PPFIA4: variants seen among roughly 807,000 people sequenced by gnomAD.
PPFIA4 encodes the protein liprin-alpha-4.
A neutral mutation model predicts 145.7 loss-of-function variants in PPFIA4; 98 were observed. The ratio of observed to expected loss-of-function variants is 0.67; its 90% CI spans 0.57 to 0.80. The LOEUF (loss-of-function observed/expected upper bound fraction) is 0.80, where lower values mean the gene tolerates loss of function less well. PPFIA4 is among the 30% of genes least tolerant of loss of function. The pLI, the probability that PPFIA4 is intolerant of heterozygous loss-of-function variation, is 0.00. For missense variants in PPFIA4, 1,457 were observed against 1,632.7 expected, an observed-to-expected ratio of 0.89 and a Z score of 1.85; for synonymous variants, 628 against 649.6, an observed-to-expected ratio of 0.97 and a Z score of 0.51.
At position 203,075,598 on chromosome 1, in the gene PPFIA4, C is replaced by T; in HGVS notation, c.3415C>T (p.Arg1139Cys). 3.4e-6 allele frequency: 5 copies of T among 1,463,310 alleles called. No individual in the cohort carries two copies. Among genetic ancestry groups the T allele is most frequent in the Non-Finnish European group, 4.5e-6 (5 of 1,104,568 alleles). The allele number at this position is 1,463,310 out of a possible 1,614,324, so 90.6% of individuals were successfully genotyped here. ...LDDGDDKVFR[R>C]APSWRKRFRP... ...GCAGGGGGATGACAAGGTGTTTCGC[C>T]GCGCGCCCTCCTGGAGGAAGCGCTT... The change falls in exon 29 of 30, where the codon CGC (arginine) becomes TGC (cysteine). Residue 1139 changes from arginine to cysteine, a missense_variant. Around this residue, in one of 3 missense-constraint regions of PPFIA4, gnomAD observed 146 missense variants for 126.2 expected, o/e 1.16. Coordinates refer to ENST00000295706, the MANE Select transcript of PPFIA4 (RefSeq NM_001304331.2). The surrounding 1 kb of genome is among the most constrained non-coding windows in gnomAD (Gnocchi z 4.1).
chr1:203,070,102 C>T (rs1662039690), intron 27 of PPFIA4, among the ~76,000 whole-genome samples: 1 of 147,498 alleles, frequency 6.8e-6, no homozygotes, highest in South Asian at 2.2e-4. Context: ...TAGAAATGGA[C>T]TTTTCTCTTT....
chr1:203,042,056 T>C (rs1659730315), intron 2 of PPFIA4, among the ~76,000 whole-genome samples: 1 of 151,980 alleles, frequency 6.6e-6, no homozygotes, highest in Middle Eastern at 3.4e-3. Flanking sequence ...CTATCTGGAG[T>C]GATGAGAGGG....
intron 19 of PPFIA4, among the ~76,000 whole-genome samples, chr1:203,058,002 C>T (rs1661092476): frequency 6.6e-6 from 1 of 152,068 alleles, no homozygotes; most frequent in Non-Finnish European, 1.5e-5. Flanking sequence ...TGGGACTGGA[C>T]AGCTAGGCTG....
intron 25 of PPFIA4, among the ~76,000 whole-genome samples, chr1:203,066,220 C>G (rs1210629831): frequency 6.6e-6 from 1 of 152,188 alleles, no homozygotes; most frequent in Non-Finnish European, 1.5e-5. Flanking sequence ...TGCGCATGCC[C>G]CTTCACAGTG....
intron 6 of PPFIA4, 37 bp from the exon 7 acceptor site, chr1:203,045,331 G>T (rs1659993232): frequency 1.3e-6 from 2 of 1,507,374 alleles, no homozygotes; most frequent in African/African-American, 1.4e-5. Flanking sequence ...GTGGGATGCT[G>T]CTGTGACTCA....
At chr1:203,071,096 T>C (rs1426271312) in intron 27 of PPFIA4, among the ~76,000 whole-genome samples, 3 of 151,858 alleles carry the variant, frequency 2.0e-5, no homozygotes, top group Non-Finnish European at 4.4e-5. Flanking sequence ...ACTGTAGGTG[T>C]TCACAACCAT....
In PPFIA4 at chr1:203,032,430, T is replaced by TTTTTTTTTTTTTTTTG. The variant is rs57892403; in HGVS notation, c.-400+5803_-400+5804insTTTTTTTTTTTTTGTT. ...CTTGTAGTTCTCCCTTCCCCGCTTT[T>TTTTTTTTTTTTTTTTG]TTGTTGTTGTTGTTGTTTTTGAAAT... is the stretch of plus-strand genomic sequence containing the variant. On this transcript the variant is annotated intron_variant, in intron 1 of 29. Coordinates refer to ENST00000295706, the MANE Select transcript of PPFIA4 (RefSeq NM_001304331.2). Among the ~76,000 whole-genome samples, 34 of 139,414 alleles carry TTTTTTTTTTTTTTTTG rather than the reference T, an allele frequency of 2.4e-4. 1 individual carries two copies. Among genetic ancestry groups the TTTTTTTTTTTTTTTTG allele is most frequent in the Non-Finnish European group, 2.6e-4 (17 of 64,732 alleles). The allele number at this position is 139,414 out of a possible 152,430, so 91.5% of individuals were successfully genotyped here. A position where few individuals can be genotyped will look rare whatever the true frequency, so the allele number is the denominator to read the frequency against.
rs1200614642 is a variant in PPFIA4 at position 203,043,374 on chromosome 1, T to C, written c.235-23T>C. The C allele has an allele frequency of 6.3e-7, 1 of 1,592,614 alleles. No individual in the cohort carries two copies. The highest frequency in any genetic ancestry group is 1.1e-5 in the South Asian group (1 of 88,182). The stretch of plus-strand genomic sequence containing the variant: ...GCTTTGGGGGTGAATCCTGAAGCAC[T>C]GAGGGGCCTTGGGGGTTTTCAGGAA... On this transcript the variant is annotated intron_variant, in intron 2 of 29. Transcript: ENST00000295706. The surrounding 1 kb of genome is among the most constrained non-coding windows in gnomAD (Gnocchi z 4.4).
At position 203,048,929 on chromosome 1, in the gene PPFIA4, C is replaced by A; in HGVS notation, c.1368C>A (p.Ile456=). 8.4e-6 allele frequency: 13 copies of A among 1,548,480 alleles called. No homozygotes were observed. Among genetic ancestry groups the A allele is most frequent in the South Asian group, 1.2e-5 (1 of 83,974 alleles). ...CTGCTCTCCCCCAGAACACGTTGAT[C>A]CAGGAGTTGGAGAGCTCCCAGCGGC... ...MAALEEKNTL[I]QELESSQRQI... is the part of the protein sequence containing the mutation. Residue 456 remains isoleucine, a synonymous_variant, in exon 12 of 30, where the codon ATC becomes ATA. Coordinates refer to ENST00000295706, the MANE Select transcript of PPFIA4 (RefSeq NM_001304331.2). This position sits in a 1 kb window ranked among gnomAD's most constrained non-coding sequence, Gnocchi z 5.8.
In PPFIA4 at chr1:203,034,366, G is replaced by A. The variant is rs538177537; in HGVS notation, c.-399-4244G>A. 3 of 440,788 alleles carry A rather than the reference G, an allele frequency of 6.8e-6. No homozygotes were observed. The East Asian group carries it at 2.1e-4, about 31-fold the overall frequency. The allele number at this position is 440,788 out of a possible 1,614,324, so 27.3% of individuals were successfully genotyped here. A position where few individuals can be genotyped will look rare whatever the true frequency, so the allele number is the denominator to read the frequency against. ...GAGAGGAGGTAGGGCTGGATTTCTG[G>A]AGGAGAGGATGGGTGAGGGCCAGGC... On this transcript the variant is annotated intron_variant, in intron 1 of 29. Transcript: ENST00000295706.
rs547227552 is a variant in PPFIA4 at position 203,059,793 on chromosome 1, G to A, written c.2525G>A (p.Arg842His). Residue 842 changes from arginine to histidine, a missense_variant, in exon 21 of 30, where the codon CGC (arginine) becomes CAC (histidine). Arg to His is a conservative substitution (Grantham distance 29). Around this residue, in one of 3 missense-constraint regions of PPFIA4, gnomAD observed 848 missense variants for 1,046.7 expected, o/e 0.81. Transcript: ENST00000295706. ...KKKHQLLEDA[R>H]RKGMPFAQWD... ...AGACACCAGCTGCTTGAAGATGCCC[G>A]CAGGAAAGGAATGCCCTTTGCCCAG... 30 of 1,613,448 alleles carry A rather than the reference G, an allele frequency of 1.9e-5. No homozygotes were observed. The African/African-American group carries it at 2.1e-4, about 11-fold the overall frequency.
intron 2 of PPFIA4, among the ~76,000 whole-genome samples, chr1:203,039,474 G>A (rs906978674): frequency 6.6e-6 from 1 of 152,218 alleles, no homozygotes; most frequent in Non-Finnish European, 1.5e-5. Flanking sequence ...GCAGCCATAG[G>A]TGTCAGCTAC....
chr1:203,047,353 G>A (rs1342548476), intron 9 of PPFIA4, among the ~76,000 whole-genome samples: 5 of 152,144 alleles, frequency 3.3e-5, no homozygotes, highest in Admixed American at 1.3e-4. Context: ...TTCCAGCCTC[G>A]AGGAATGAAG....
chr1:203,046,851 C>T (rs1172066713), intron 9 of PPFIA4, among the ~76,000 whole-genome samples: 1 of 152,070 alleles, frequency 6.6e-6, no homozygotes, highest in Non-Finnish European at 1.5e-5. Context: ...ATTGAAGCTT[C>T]TAGATCTAGG....
intron 14 of PPFIA4, among the ~76,000 whole-genome samples, chr1:203,052,132 G>A (rs1286605565): frequency 6.6e-6 from 1 of 150,420 alleles, no homozygotes; most frequent in Non-Finnish European, 1.5e-5. Flanking sequence ...CCACTGAAGT[G>A]TGTGTGCGTG....
At position 203,060,121 on chromosome 1, in the gene PPFIA4, C is replaced by A; in HGVS notation, c.2584-96C>A. ...TATGATCTGTATTTGCTATTCGAGT[C>A]CGTGGATGAGGCCTGGCCCTTGCCC... On this transcript the variant is annotated intron_variant, in intron 21 of 29. Transcript: ENST00000295706. The surrounding 1 kb of genome is among the most constrained non-coding windows in gnomAD (Gnocchi z 4.8). 1.7e-6 allele frequency: 2 copies of A among 1,187,348 alleles called. No homozygotes were observed. The highest frequency in any genetic ancestry group is 2.4e-6 in the Non-Finnish European group (2 of 828,042). 73.6% of individuals were successfully genotyped at this position (1,187,348 alleles called of 1,614,324 possible).
chr1:203,035,678 G>C, intron 1 of PPFIA4: 2 of 456,720 alleles, frequency 4.4e-6, no homozygotes, highest in Non-Finnish European at 8.8e-6. Flanking sequence ...AGTTGAGGAG[G>C]CTTCTGTTAG....
At position 203,045,116 on chromosome 1, in the gene PPFIA4, G is replaced by A. The variant is rs75403414; in HGVS notation, c.667-252G>A. Reference sequence around the variant, plus strand: ...TCACGCCCCTTTCTGGGTTACAAGAGGCTGGCATAGCAGATAAAACTAGAA... The same window carrying A: ...TCACGCCCCTTTCTGGGTTACAAGAAGCTGGCATAGCAGATAAAACTAGAA... On this transcript the variant is annotated intron_variant, in intron 6 of 29. Coordinates refer to ENST00000295706, the MANE Select transcript of PPFIA4 (RefSeq NM_001304331.2). 9.8e-3 allele frequency among the ~76,000 whole-genome samples: 1,486 copies of A among 152,308 alleles called. 25 individuals are homozygous for A. The highest frequency in any genetic ancestry group is 0.035 in the African/African-American group (1,442 of 41,548).
chr1:203,044,086 G>A lies in PPFIA4; in HGVS notation c.492G>A (p.Leu164=), dbSNP rs1201839178. The A allele has an allele frequency of 1.9e-6, 3 of 1,589,340 alleles. No individual in the cohort carries two copies. The highest frequency in any genetic ancestry group is 1.1e-5 in the South Asian group (1 of 88,184). The change falls in exon 4 of 30, where the codon CTG becomes CTA. Residue 164 remains leucine (L), a synonymous_variant. Coordinates refer to ENST00000295706, the MANE Select transcript of PPFIA4 (RefSeq NM_001304331.2). ...CACTGTTTGAGCACCACAAGGCCCT[G>A]GATGAGAAGGTGCCCACCTGCCCGC... ...LKSLFEHHKA[L]DEKVRERLRA...
Sources: gnomAD v4.1 joint callset for allele counts (sites outside exome capture counted in the v4.1 genomes callset) on GRCh38, gnomAD v4.1.1 for gene constraint, gnomAD v4.1.1 regional missense constraint, Gnocchi (gnomAD v3.1) non-coding constraint, MANE v1.5 for transcripts, NCBI Gene and HGNC (gene_info 2026-07-23, HGNC 2026-07-21) for gene names.